The following PAFAH1B2 variants were observed in gnomAD, a reference collection of about 807,000 sequenced individuals.
PAFAH1B2 encodes the protein platelet activating factor acetylhydrolase 1b catalytic subunit 2, also known as platelet-activating factor acetylhydrolase IB subunit alpha2.
PAFAH1B2 carries 8 observed loss-of-function variants against 28.0 expected under a neutral mutation model. The ratio of observed to expected loss-of-function variants is 0.29; its 90% confidence interval spans 0.17 to 0.52. The LOEUF (loss-of-function observed/expected upper bound fraction) is 0.52. PAFAH1B2 is among the 20% of genes least tolerant of loss of function. PAFAH1B2 has a pLI of 0.97. For synonymous variants in PAFAH1B2, 104 were observed against 103.2 expected (o/e 1.01, Z -0.05); for missense variants, 190 against 282.6 (o/e 0.67, Z 2.35).
At chr11:117,177,343 A>C (rs2030039021), downstream of PAFAH1B2, among the ~76,000 whole-genome samples, 1 of 152,204 alleles carries the variant, frequency 6.6e-6, no homozygotes, top group East Asian at 1.9e-4. Flanking sequence ...GTACTACTCT[A>C]TATTTTTAGA....
rs1303428771 is a variant in PAFAH1B2, at chr11:117,169,655, T to C, written c.*1956T>C. 4.7e-6 allele frequency: 5 copies of C among 1,053,430 alleles called. No homozygotes were observed. Among genetic ancestry groups the C allele is most frequent in the Non-Finnish European group, 5.7e-6 (5 of 871,238 alleles). The allele number at this position is 1,053,430 out of a possible 1,614,324, so 65.3% of individuals were successfully genotyped here. On this transcript the variant is annotated 3_prime_UTR_variant, in exon 6 of 6. Coordinates refer to ENST00000527958, the MANE Select transcript of PAFAH1B2 (RefSeq NM_002572.4). ...TCATGTCTTCATTAACAACAGAAAA[T>C]CCACATGGTGTTTACTAAACTTGTT...
intron 3 of PAFAH1B2, 36 bp downstream of exon 3, chr11:117,160,059 C>T: frequency 7.3e-7 from 1 of 1,369,964 alleles, no homozygotes; most frequent in South Asian, 1.2e-5. Context: ...TTCTTGGCTA[C>T]TCATGTATAT....
In PAFAH1B2 at chr11:117,168,311, C is replaced by T. The variant is rs1383906284; in HGVS notation, c.*612C>T. 11 of 1,064,020 alleles carry T rather than the reference C, an allele frequency of 1.0e-5. No homozygotes were observed. In the African/African-American group the frequency reaches 1.3e-4, roughly 13 times the overall value. 65.9% of individuals were successfully genotyped at this position (1,064,020 alleles called of 1,614,324 possible). A position where few individuals can be genotyped will look rare whatever the true frequency, so the allele number is the denominator to read the frequency against. ...TTAGCAGTGAAAAACAGGTTTTGCC[C>T]CAGTAGAGGGATTCTTTGGAGGGTA... is the stretch of plus-strand genomic sequence containing the variant. On this transcript the variant is annotated 3_prime_UTR_variant, in exon 6 of 6. Coordinates refer to ENST00000527958, the MANE Select transcript of PAFAH1B2 (RefSeq NM_002572.4).
In PAFAH1B2 at chr11:117,170,518, TG is replaced by T; in HGVS notation, c.*2820del. 5 of 1,059,826 alleles carry T rather than the reference TG, an allele frequency of 4.7e-6. No homozygotes were observed. Among genetic ancestry groups the T allele is most frequent in the Non-Finnish European group, 5.7e-6 (5 of 876,360 alleles). 65.7% of individuals were successfully genotyped at this position (1,059,826 alleles called of 1,614,324 possible). On this transcript the variant is annotated 3_prime_UTR_variant, in exon 6 of 6. Coordinates refer to ENST00000527958, the MANE Select transcript of PAFAH1B2 (RefSeq NM_002572.4). ...CTCTGGCTACCACCGTGAGGCTACTTGAACTGTCAGGGGCATCTGCCTAAAC... is the reference window on the plus strand; with the variant it reads ...CTCTGGCTACCACCGTGAGGCTACTTAACTGTCAGGGGCATCTGCCTAAAC...
chr11:117,157,243 C>T (rs1424730146), intron 2 of PAFAH1B2, among the ~76,000 whole-genome samples: 3 of 151,692 alleles, frequency 2.0e-5, no homozygotes, highest in African/African-American at 7.3e-5. Context: ...TCCTGTCACC[C>T]TAAGAGAGGA....
chr11:117,160,883 G>A (rs924732321), intron 3 of PAFAH1B2, among the ~76,000 whole-genome samples: 1 of 151,694 alleles, frequency 6.6e-6, no homozygotes, highest in African/African-American at 2.4e-5. Context: ...GGTTTGTTGA[G>A]TTGACAGCTT....
At chr11:117,154,476 G>GGCGCCATTACAGCTT (rs1565264308) in intron 2 of PAFAH1B2, among the ~76,000 whole-genome samples, 1 of 151,934 alleles carries the variant, frequency 6.6e-6, no homozygotes, top group African/African-American at 2.4e-5. Flanking sequence ...GGAGTGCAGT[G>GGCGCCATTACAGCTT]GCACCATTAC....
intron 1 of PAFAH1B2, among the ~76,000 whole-genome samples, chr11:117,152,137 T>G (rs1956165694): frequency 6.6e-6 from 1 of 152,204 alleles, no homozygotes; most frequent in Non-Finnish European, 1.5e-5. Flanking sequence ...CAGTAACATA[T>G]AATCACAAAA....
rs77166325 is a variant in PAFAH1B2 at position 117,156,769 on chromosome 11, T to A, written c.82-3165T>A. Among the ~76,000 whole-genome samples, 1,287 of 152,240 alleles carry A rather than the reference T, an allele frequency of 8.5e-3. 17 individuals are homozygous for A. Among genetic ancestry groups the A allele is most frequent in the African/African-American group, 0.03 (1,228 of 41,548 alleles). On this transcript the variant is annotated intron_variant, in intron 2 of 5. Coordinates refer to ENST00000527958, the MANE Select transcript of PAFAH1B2 (RefSeq NM_002572.4). ...GGCACGGTGGCTCAGGCCTGTGATC[T>A]CTCAGCACCTTGGGAGGCAGAGGTG...
rs1389482968 is a variant in PAFAH1B2, at chr11:117,170,192, C to T, written c.*2493C>T. 1.0e-5 allele frequency: 11 copies of T among 1,056,746 alleles called. No homozygotes were observed. Among genetic ancestry groups the T allele is most frequent in the African/African-American group, 1.7e-5 (1 of 60,478 alleles). 65.5% of individuals were successfully genotyped at this position (1,056,746 alleles called of 1,614,324 possible). A position where few individuals can be genotyped will look rare whatever the true frequency, so the allele number is the denominator to read the frequency against. On this transcript the variant is annotated 3_prime_UTR_variant, in exon 6 of 6. Coordinates refer to ENST00000527958, the MANE Select transcript of PAFAH1B2 (RefSeq NM_002572.4). ...TCAGTGACAGAACTTACTGCTTAGT[C>T]TTTGTACTTTTTAAAAAATCTATAA...
In PAFAH1B2 at chr11:117,167,771, T is replaced by A. The variant is rs1956546041; in HGVS notation, c.*72T>A. The A allele has an allele frequency of 2.9e-6, 4 of 1,393,120 alleles. No homozygotes were observed. In the South Asian group the frequency reaches 8.4e-5, roughly 29 times the overall value. The allele number at this position is 1,393,120 out of a possible 1,614,324, so 86.3% of individuals were successfully genotyped here. A position where few individuals can be genotyped will look rare whatever the true frequency, so the allele number is the denominator to read the frequency against. ...TCTATCACTGGCACTACAGAATCCTTCTCTTTCTTAAGGCACTTTGCATTG... is the reference window on the plus strand; with the variant it reads ...TCTATCACTGGCACTACAGAATCCTACTCTTTCTTAAGGCACTTTGCATTG... On this transcript the variant is annotated 3_prime_UTR_variant, in exon 6 of 6. Coordinates refer to ENST00000527958, the MANE Select transcript of PAFAH1B2 (RefSeq NM_002572.4).
At chr11:117,172,954 T>C (rs1046743532), downstream of PAFAH1B2, among the ~76,000 whole-genome samples, 13 of 152,188 alleles carry the variant, frequency 8.5e-5, no homozygotes, top group African/African-American at 2.7e-4. Context: ...CGGCCCGCCT[T>C]AGCCTCCCAA....
intron 2 of PAFAH1B2, among the ~76,000 whole-genome samples, chr11:117,155,584 T>C (rs1183669764): frequency 6.6e-6 from 1 of 151,958 alleles, no homozygotes; most frequent in Non-Finnish European, 1.5e-5. Flanking sequence ...ATTGCTGGAG[T>C]CCTTACAGAT....
intron 4 of PAFAH1B2, 50 bp downstream of exon 4, chr11:117,161,311 ATAGT>A (rs750466539): frequency 1.7e-6 from 2 of 1,188,536 alleles, no homozygotes; most frequent in Non-Finnish European, 2.4e-6. Context: ...TCTGTTTTGG[ATAGT>A]TAAATTGTCT....
downstream of PAFAH1B2, chr11:117,171,164 G>A (rs765132400): frequency 2.5e-4 from 169 of 685,066 alleles, no homozygotes; most frequent in Non-Finnish European, 2.9e-4. Flanking sequence ...CTTCTTTACT[G>A]TGGAACTGAA....
chr11:117,173,612 C>A (rs1956719169), downstream of PAFAH1B2, among the ~76,000 whole-genome samples: 1 of 152,212 alleles, frequency 6.6e-6, no homozygotes, highest in Non-Finnish European at 1.5e-5. Context: ...GCCTGAGCCA[C>A]CGCAGCTCCC....
chr11:117,159,014 A>C (rs1956313308), intron 2 of PAFAH1B2, among the ~76,000 whole-genome samples: 1 of 152,218 alleles, frequency 6.6e-6, no homozygotes, highest in African/African-American at 2.4e-5. Context: ...TAATGTTTGC[A>C]TTCTACTTCA....
At chr11:117,156,154 T>C (rs773974379) in intron 2 of PAFAH1B2, among the ~76,000 whole-genome samples, 3 of 152,170 alleles carry the variant, frequency 2.0e-5, no homozygotes, top group Non-Finnish European at 4.4e-5. Flanking sequence ...TGCACTGCAC[T>C]CCACCCTCGG....
At chr11:117,165,049 A>G (rs1169146920) in intron 5 of PAFAH1B2, among the ~76,000 whole-genome samples, 2 of 139,220 alleles carry the variant, frequency 1.4e-5, no homozygotes, top group African/African-American at 5.3e-5. Flanking sequence ...TCGGCCTCCC[A>G]GGTTCACACC....
Sources: allele counts gnomAD v4.1 joint callset (sites outside exome capture counted in the v4.1 genomes callset), GRCh38; gene constraint gnomAD v4.1.1; transcripts MANE v1.5; gene names NCBI Gene and HGNC (gene_info 2026-07-23, HGNC 2026-07-21).